The following FNIP2 variants were observed in gnomAD, a reference collection of about 807,000 sequenced individuals.
FNIP2 encodes folliculin-interacting protein 2.
Under a neutral mutation model 108.7 loss-of-function variants are expected in FNIP2, and 32 were observed. The observed-to-expected ratio is 0.29, with a 90% CI of 0.22 to 0.40. The LOEUF (loss-of-function observed/expected upper bound fraction) is 0.40. FNIP2 is among the 10% of genes least tolerant of loss of function. The pLI is 1.00. For synonymous variants in FNIP2, 480 were observed against 496.7 expected, an observed-to-expected ratio of 0.97 and a Z score of 0.45; for missense variants, 1,202 against 1,381.6, an observed-to-expected ratio of 0.87 and a Z score of 2.06.
At chr4:158,855,258 G>C (rs993759242) in intron 8 of FNIP2, among the ~76,000 whole-genome samples, 3 of 152,098 alleles carry the variant, frequency 2.0e-5, no homozygotes, top group Non-Finnish European at 4.4e-5. Context: ...CAGCACAAAA[G>C]TCCAAAGATA....
At chr4:158,832,196 A>C (rs1778524504) in intron 5 of FNIP2, 58 bp downstream of exon 5, 2 of 1,377,044 alleles carry the variant, frequency 1.5e-6, no homozygotes, top group Non-Finnish European at 2.0e-6. Flanking sequence ...ATTTCTAGAT[A>C]GACTAATTCT....
chr4:158,769,918 T>C (rs567434931), intron 1 of FNIP2, among the ~76,000 whole-genome samples: 2 of 152,344 alleles, frequency 1.3e-5, no homozygotes, highest in South Asian at 2.1e-4. Context: ...GAGATTTCAA[T>C]TGATCAAAGC....
chr4:158,806,475 C>A, intron 1 of FNIP2: 1 of 1,191,556 alleles, frequency 8.4e-7, no homozygotes, highest in Admixed American at 2.3e-5. Flanking sequence ...ATTTAATTTA[C>A]TGTGTAGTAA....
Position 158,869,233 on chromosome 4 carries a change from C to T in FNIP2, c.2597C>T (p.Ala866Val), listed in dbSNP as rs752166442. ...GTCCAGCGGGGCCCTGGCCTCGTGG[C>T]TGGTGCGAATATCCCCTGTGGGGAT... ...RCVQRGPGLVAGANIPCGDDN... is the reference protein window; with the variant it reads ...RCVQRGPGLVVGANIPCGDDN... Residue 866 changes from alanine to valine, a missense_variant, in exon 13 of 17, where the codon GCT becomes GTT. Transcript: ENST00000264433. 2 of 1,614,048 alleles carry T rather than the reference C, an allele frequency of 1.2e-6. No homozygotes were observed. The highest frequency in any genetic ancestry group is 4.5e-5 in the East Asian group (2 of 44,882).
At chr4:158,798,270 C>T (rs1271596926) in intron 1 of FNIP2, among the ~76,000 whole-genome samples, 1 of 152,046 alleles carries the variant, frequency 6.6e-6, no homozygotes, top group African/African-American at 2.4e-5. Flanking sequence ...TGCTGTGTTG[C>T]CTAGGGAGCT....
intron 14 of FNIP2, chr4:158,872,786 A>C: frequency 1.0e-6 from 1 of 969,376 alleles, no homozygotes. Flanking sequence ...CCATTTACAA[A>C]CATTTGTTGA....
In FNIP2 at chr4:158,769,244, A is replaced by T. The variant is rs1775608619; in HGVS notation, c.32A>T (p.Asn11Ile). MAPTLLQKLF[N>I]KRGSSGSSAA... ...CCGACCCTGCTCCAGAAGCTCTTCAACAAAAGGGGCAGCAGCGGCAGCTCC... is the reference window on the plus strand; with the variant it reads ...CCGACCCTGCTCCAGAAGCTCTTCATCAAAAGGGGCAGCAGCGGCAGCTCC... Residue 11 changes from asparagine (N) to isoleucine (I), a missense_variant, in exon 1 of 17, where the codon AAC becomes ATC. This residue lies in a region of FNIP2 where 173 missense variants were observed against 165.9 expected (regional missense o/e 1.04). Coordinates refer to ENST00000264433, the MANE Select transcript of FNIP2 (RefSeq NM_020840.3). 16 of 1,533,816 alleles carry T rather than the reference A, an allele frequency of 1.0e-5. No homozygotes were observed. The highest frequency in any genetic ancestry group is 1.3e-5 in the Non-Finnish European group (15 of 1,144,728).
rs373082838 is a variant in FNIP2, at chr4:158,859,884, T to C, written c.1148+218T>C. Among the ~76,000 whole-genome samples the C allele has an allele frequency of 5.9e-5, 9 of 152,356 alleles. No individual in the cohort carries two copies. The South Asian group carries it at 1.2e-3, about 21-fold the overall frequency. ...GCTCAACCGACAGTCCCTGATAGGA[T>C]TGTTTTTAACAGGATGAATGGGGAA... On this transcript the variant is annotated intron_variant, in intron 10 of 16. Coordinates refer to ENST00000264433, the MANE Select transcript of FNIP2 (RefSeq NM_020840.3).
chr4:158,802,750 G>A (rs1312562054), intron 1 of FNIP2, among the ~76,000 whole-genome samples: 1 of 152,230 alleles, frequency 6.6e-6, no homozygotes, highest in Non-Finnish European at 1.5e-5. Flanking sequence ...AGGTTTTGGA[G>A]AGGAGTCTGG....
At chr4:158,850,009 T>C (rs184762737) in intron 7 of FNIP2, among the ~76,000 whole-genome samples, 152 of 152,336 alleles carry the variant, frequency 1.0e-3, no homozygotes, top group African/African-American at 3.4e-3. Flanking sequence ...GATACTATTA[T>C]AGACTTGTCC....
intron 1 of FNIP2, among the ~76,000 whole-genome samples, chr4:158,823,152 T>C (rs956205001): frequency 2.6e-5 from 4 of 152,222 alleles, no homozygotes; most frequent in African/African-American, 9.6e-5. Context: ...GCAAAATTCA[T>C]TTAAAAGAAA....
intron 1 of FNIP2, among the ~76,000 whole-genome samples, chr4:158,778,302 A>G (rs1775924304): frequency 6.6e-6 from 1 of 152,216 alleles, no homozygotes; most frequent in South Asian, 2.1e-4. Context: ...TCAGTCTGAC[A>G]ATATTAAATC....
At chr4:158,881,665 C>G (rs1489269974) in intron 14 of FNIP2, among the ~76,000 whole-genome samples, 4 of 152,244 alleles carry the variant, frequency 2.6e-5, no homozygotes, top group African/African-American at 4.8e-5. Flanking sequence ...GTTGGCCGGG[C>G]TGGTCTCCAG....
rs147484965 is a variant in FNIP2, at chr4:158,897,205, T to C, written c.3266+1340T>C. On this transcript the variant is annotated intron_variant, in intron 16 of 16. Coordinates refer to ENST00000264433, the MANE Select transcript of FNIP2 (RefSeq NM_020840.3). ...TTTATGGTTGCATAGTATTCCATGG[T>C]GTATATGTGCCACATTTTCTTTATC... 4.6e-3 allele frequency among the ~76,000 whole-genome samples: 703 copies of C among 152,338 alleles called. 6 individuals carry two copies. Among genetic ancestry groups the C allele is most frequent in the Non-Finnish European group, 7.3e-3 (495 of 68,032 alleles).
chr4:158,825,104 C>T (rs1304391742), intron 1 of FNIP2, among the ~76,000 whole-genome samples: 2 of 152,224 alleles, frequency 1.3e-5, no homozygotes, highest in Non-Finnish European at 2.9e-5. Context: ...GAGTCTCTAG[C>T]AGCAACCACA....
intron 15 of FNIP2, among the ~76,000 whole-genome samples, chr4:158,893,868 T>C (rs1438864074): frequency 6.6e-6 from 1 of 152,228 alleles, no homozygotes; most frequent in African/African-American, 2.4e-5. Context: ...TCTTTTTACT[T>C]CCTTTGGACA....
chr4:158,904,619 CTG>C lies in FNIP2; in HGVS notation c.*78_*79del. On this transcript the variant is annotated 3_prime_UTR_variant, in exon 17 of 17. Transcript: ENST00000264433. Reference sequence around the variant, plus strand: ...ACTGAAGGAGAAAGGAATAAGCTCTCTGTGATGTCAAAAGCATGAGAAGAGCA... The same window carrying C: ...ACTGAAGGAGAAAGGAATAAGCTCTCTGATGTCAAAAGCATGAGAAGAGCA... The C allele has an allele frequency of 7.9e-7, 1 of 1,268,760 alleles. No homozygotes were observed. The highest frequency in any genetic ancestry group is 1.1e-6 in the Non-Finnish European group (1 of 882,872). 78.6% of individuals were successfully genotyped at this position (1,268,760 alleles called of 1,614,324 possible). A position where few individuals can be genotyped will look rare whatever the true frequency, so the allele number is the denominator to read the frequency against.
intron 1 of FNIP2, among the ~76,000 whole-genome samples, chr4:158,818,603 A>C (rs530267521): frequency 2.6e-5 from 4 of 152,318 alleles, no homozygotes; most frequent in African/African-American, 9.6e-5. Context: ...GTTTGATTAC[A>C]TCTCAGCCCC....
intron 1 of FNIP2, among the ~76,000 whole-genome samples, chr4:158,822,896 A>T (rs1010952530): frequency 2.6e-5 from 4 of 152,230 alleles, no homozygotes; most frequent in African/African-American, 9.6e-5. Flanking sequence ...AAAAATTTTT[A>T]AATTAAAAAA....
Sources: allele counts gnomAD v4.1 joint callset (sites outside exome capture counted in the v4.1 genomes callset), GRCh38; gene constraint gnomAD v4.1.1; regional missense constraint gnomAD v4.1.1; transcripts MANE v1.5; gene names NCBI Gene and HGNC (gene_info 2026-07-23, HGNC 2026-07-21).